The following EFR3B variants were observed in gnomAD, a reference collection of about 807,000 sequenced individuals.
The protein encoded by EFR3B is EFR3 homolog B.
In EFR3B, 64 loss-of-function variants were observed where a neutral mutation model predicts 104.7. The ratio of observed to expected loss-of-function variants is 0.61; its 90% CI spans 0.50 to 0.75. The LOEUF is 0.75. Among genes scored for constraint, EFR3B ranks in the 30% least tolerant of loss-of-function variants. EFR3B has a pLI of 0.00. For synonymous variants in EFR3B, 385 were observed against 417.9 expected (o/e 0.92, Z 0.96); for missense variants, 750 against 1,078.5 (o/e 0.70, Z 4.27).
In EFR3B at chr2:25,131,252, C is replaced by A; in HGVS notation, c.850-116C>A. 4.3e-6 allele frequency: 6 copies of A among 1,389,146 alleles called. No individual in the cohort carries two copies. The highest frequency in any genetic ancestry group is 1.4e-5 in the African/African-American group (1 of 69,676). The allele number at this position is 1,389,146 out of a possible 1,614,324, so 86.1% of individuals were successfully genotyped here. On this transcript the variant is annotated intron_variant, in intron 8 of 22. Coordinates refer to ENST00000403714, the MANE Select transcript of EFR3B (RefSeq NM_014971.2). This position sits in a 1 kb window ranked among gnomAD's most constrained non-coding sequence, Gnocchi z 7.6. The stretch of plus-strand genomic sequence containing the variant: ...AGGTGTCAGTGCCAACTGCAGTGCC[C>A]GGGGCCTTGGAACGTCCCTTTAGTT...
intron 6 of EFR3B, among the ~76,000 whole-genome samples, chr2:25,128,546 C>T (rs1489357294): frequency 6.6e-6 from 1 of 152,108 alleles, no homozygotes; most frequent in South Asian, 2.1e-4. Context: ...TGTGCGTTAC[C>T]GAAGGAGGAC....
chr2:25,124,885 C>T (rs1464819900), intron 5 of EFR3B, among the ~76,000 whole-genome samples: 1 of 151,660 alleles, frequency 6.6e-6, no homozygotes, highest in African/African-American at 2.4e-5. Flanking sequence ...GGTGAAACCC[C>T]GTCTCTATTG....
At chr2:25,143,635 G>T in intron 17 of EFR3B, 100 bp from the exon 18 acceptor site, 1 of 1,426,912 alleles carries the variant, frequency 7.0e-7, no homozygotes, top group African/African-American at 1.4e-5. Context: ...ACTCCAGCCT[G>T]GGCGACAAGA....
chr2:25,058,527 G>A (rs537382329), intron 1 of EFR3B, among the ~76,000 whole-genome samples: 2 of 152,230 alleles, frequency 1.3e-5, no homozygotes, highest in Non-Finnish European at 2.9e-5. Flanking sequence ...GAGAGGCCGA[G>A]GCAGGCAGAT....
intron 5 of EFR3B, among the ~76,000 whole-genome samples, chr2:25,122,025 G>A (rs1223581147): frequency 6.6e-6 from 1 of 151,462 alleles, no homozygotes; most frequent in Admixed American, 6.6e-5. Flanking sequence ...AGAGTGCAGT[G>A]GCGCGATCTT....
chr2:25,133,168 CCA>C (rs1276411250), intron 11 of EFR3B, among the ~76,000 whole-genome samples, 154 bp downstream of exon 11: 1 of 152,128 alleles, frequency 6.6e-6, no homozygotes, highest in Admixed American at 6.6e-5. Flanking sequence ...CTCTTGGATC[CCA>C]CAGTTTCTCA....
intron 4 of EFR3B, among the ~76,000 whole-genome samples, chr2:25,105,802 C>T (rs1558603795): frequency 6.6e-6 from 1 of 152,204 alleles, no homozygotes; most frequent in Non-Finnish European, 1.5e-5. Flanking sequence ...TCTAGCTTCC[C>T]CCACAGGAAA....
chr2:25,122,444 C>G (rs1482822410), intron 5 of EFR3B, among the ~76,000 whole-genome samples: 2 of 151,322 alleles, frequency 1.3e-5, no homozygotes, highest in African/African-American at 4.9e-5. Flanking sequence ...CAGAAACACA[C>G]CCACTCACCA....
At chr2:25,080,284 T>TC (rs1668762236) in intron 1 of EFR3B, 1 of 199,878 alleles carries the variant, frequency 5.0e-6, no homozygotes, top group Non-Finnish European at 8.2e-6. Flanking sequence ...TCCCCAAAGC[T>TC]TTTTTTTTTT....
At chr2:25,113,402 C>A (rs1669774606) in intron 4 of EFR3B, among the ~76,000 whole-genome samples, 1 of 151,998 alleles carries the variant, frequency 6.6e-6, no homozygotes. Flanking sequence ...AAATAGTGAC[C>A]AGGCCGGGCG....
At position 25,156,719 on chromosome 2, in the gene EFR3B, A is replaced by G. The variant is rs1671180119; in HGVS notation, c.*2379A>G. ...TTATACTCAACCCAATTTTACAAGC[A>G]TGAACTTAGACTTCTCTTTAGTATT... On this transcript the variant is annotated 3_prime_UTR_variant, in exon 23 of 23. Coordinates refer to ENST00000403714, the MANE Select transcript of EFR3B (RefSeq NM_014971.2). 6.6e-6 allele frequency: 1 copy of G among 152,218 alleles called. No homozygotes were observed. The highest frequency in any genetic ancestry group is 1.5e-5 in the Non-Finnish European group (1 of 68,034). 9.4% of individuals were successfully genotyped at this position (152,218 alleles called of 1,614,324 possible).
At position 25,131,779 on chromosome 2, in the gene EFR3B, C is replaced by A. The variant is rs567942233; in HGVS notation, c.1015C>A (p.Leu339Met). 1.3e-6 allele frequency: 2 copies of A among 1,540,352 alleles called. No individual in the cohort carries two copies. The highest frequency in any genetic ancestry group is 1.8e-6 in the Non-Finnish European group (2 of 1,141,794). The change falls in exon 10 of 23, where the codon CTG becomes ATG. Residue 339 changes from leucine (L) to methionine (M), a missense_variant. By Grantham distance (15) the Leu-to-Met change is conservative. Transcript: ENST00000403714. This position sits in a 1 kb window ranked among gnomAD's most constrained non-coding sequence, Gnocchi z 7.6. ...CACAGTACTGGAGATGTTCAACACGCTGCTGAGGCAGCTGCGGCTCAGCAT... is the reference window on the plus strand; with the variant it reads ...CACAGTACTGGAGATGTTCAACACGATGCTGAGGCAGCTGCGGCTCAGCAT... Reference protein sequence around the residue: ...GPTVLEMFNTLLRQLRLSIDY... With the variant: ...GPTVLEMFNTMLRQLRLSIDY...
intron 19 of EFR3B, chr2:25,147,991 C>T (rs1169607183): frequency 7.6e-6 from 1 of 131,636 alleles, no homozygotes; most frequent in Non-Finnish European, 1.5e-5. Flanking sequence ...TACCATAGTA[C>T]TCTAGCCTGG....
intron 1 of EFR3B, among the ~76,000 whole-genome samples, chr2:25,089,082 G>C (rs1402114104): frequency 6.6e-6 from 1 of 152,172 alleles, no homozygotes; most frequent in South Asian, 2.1e-4. Context: ...GATATAGCAA[G>C]GGGTGGCCTG....
chr2:25,095,385 G>T (rs1669247238), intron 3 of EFR3B, among the ~76,000 whole-genome samples: 2 of 152,078 alleles, frequency 1.3e-5, no homozygotes, highest in Non-Finnish European at 1.5e-5. Context: ...AATCTCAATG[G>T]CTGGAAAATA....
rs1669609478 is a variant in EFR3B, at chr2:25,107,887, A to G, written c.363+4100A>G. ...GAGATGGGGTCTCCCTCTGTTGCCC[A>G]GTCTGGAGTGCAGTGGTGCCATCTT... On this transcript the variant is annotated intron_variant, in intron 4 of 22. Transcript: ENST00000403714. Among the ~76,000 whole-genome samples the G allele has an allele frequency of 2.0e-5, 3 of 151,154 alleles. 1 individual carries two copies. In the South Asian group the frequency reaches 6.3e-4, roughly 32 times the overall value.
At position 25,154,308 on chromosome 2, in the gene EFR3B, GA is replaced by G; in HGVS notation, c.2425del (p.Met809Ter). 7 of 1,552,132 alleles carry G rather than the reference GA, an allele frequency of 4.5e-6. No homozygotes were observed. The highest frequency in any genetic ancestry group is 6.1e-6 in the Non-Finnish European group (7 of 1,147,106). Reference protein sequence around the residue: ...QPQNHSIPVYEMKFPDLCVY With the variant: ...QPQNHSIPVYXMKFPDLCVY ...GCAGAACCACTCCATCCCCGTCTATGAAATGAAGTTTCCCGATCTGTGTGTA... is the reference window on the plus strand; with the variant it reads ...GCAGAACCACTCCATCCCCGTCTATGAATGAAGTTTCCCGATCTGTGTGTA... On this transcript the variant is annotated frameshift_variant, in exon 23 of 23. Coordinates refer to ENST00000403714, the MANE Select transcript of EFR3B (RefSeq NM_014971.2). LOFTEE classifies it high-confidence loss of function. The surrounding 1 kb of genome is among the most constrained non-coding windows in gnomAD (Gnocchi z 4.1).
intron 4 of EFR3B, among the ~76,000 whole-genome samples, chr2:25,118,137 G>A (rs1480367535): frequency 6.6e-6 from 1 of 152,086 alleles, no homozygotes; most frequent in East Asian, 1.9e-4. Context: ...GTACCGCCAT[G>A]CCTGGCAAAT....
At chr2:25,064,898 ATAAAT>A (rs1240283638) in intron 1 of EFR3B, among the ~76,000 whole-genome samples, 1 of 152,242 alleles carries the variant, frequency 6.6e-6, no homozygotes, top group Non-Finnish European at 1.5e-5. Flanking sequence ...AATACCAACA[ATAAAT>A]TAACAGTAAT....
Sources: gnomAD v4.1 joint callset for allele counts (sites outside exome capture counted in the v4.1 genomes callset) on GRCh38, gnomAD v4.1.1 for gene constraint, Gnocchi (gnomAD v3.1) non-coding constraint, MANE v1.5 for transcripts, NCBI Gene and HGNC (gene_info 2026-07-23, HGNC 2026-07-21) for gene names.